ELAVL3: variants seen among roughly 807,000 people sequenced by gnomAD.
ELAVL3 encodes ELAV-like protein 3.
Under a neutral mutation model 34.2 loss-of-function variants are expected in ELAVL3, and 8 were observed. The observed-to-expected ratio is 0.23, with a 90% CI of 0.14 to 0.42. The LOEUF is 0.42. ELAVL3 is among the 10% of genes least tolerant of loss of function. ELAVL3 has a pLI of 1.00. For synonymous variants in ELAVL3, 209 were observed against 222.1 expected, an observed-to-expected ratio of 0.94 and a Z score of 0.53; for missense variants, 273 against 518.8, an observed-to-expected ratio of 0.53 and a Z score of 4.60.
intron 1 of ELAVL3, among the ~76,000 whole-genome samples, chr19:11,468,480 T>A (rs1253871446): frequency 6.6e-6 from 1 of 151,564 alleles, no homozygotes; most frequent in African/African-American, 2.4e-5. Flanking sequence ...AATGGCACGA[T>A]CTTGGCTCAC....
In ELAVL3 at chr19:11,454,956, A is replaced by G; in HGVS notation, c.753-79T>C. 4 of 1,439,522 alleles carry G rather than the reference A, an allele frequency of 2.8e-6. No homozygotes were observed. Among genetic ancestry groups the G allele is most frequent in the Non-Finnish European group, 3.7e-6 (4 of 1,073,366 alleles). 89.2% of individuals were successfully genotyped at this position (1,439,522 alleles called of 1,614,324 possible). Reference sequence around the variant, plus strand: ...CGTTGTGACCCTTCACACCTTTATGACCCCTGACTGTGCCATGACCTTGGA... The same window carrying G: ...CGTTGTGACCCTTCACACCTTTATGGCCCCTGACTGTGCCATGACCTTGGA... On this transcript the variant is annotated intron_variant, in intron 6 of 6. Coordinates refer to ENST00000359227, the MANE Select transcript of ELAVL3 (RefSeq NM_001420.4). This position sits in a 1 kb window ranked among gnomAD's most constrained non-coding sequence, Gnocchi z 9.2.
rs1970649228 is a variant in ELAVL3 at position 11,451,849 on chromosome 19, C to G, written c.*2677G>C. ...TGCCCCCTCTCTGGAGCCTGGCCCCCCCCAGGGTGGGGGACAAACCCAGCC... is the reference window on the plus strand; with the variant it reads ...TGCCCCCTCTCTGGAGCCTGGCCCCGCCCAGGGTGGGGGACAAACCCAGCC... On this transcript the variant is annotated 3_prime_UTR_variant, in exon 7 of 7. Coordinates refer to ENST00000359227, the MANE Select transcript of ELAVL3 (RefSeq NM_001420.4). 1 of 152,234 alleles carries G rather than the reference C, an allele frequency of 6.6e-6. No individual in the cohort carries two copies. Among genetic ancestry groups the G allele is most frequent in the South Asian group, 2.1e-4 (1 of 4,822 alleles). 9.4% of individuals were successfully genotyped at this position (152,234 alleles called of 1,614,324 possible).
intron 1 of ELAVL3, among the ~76,000 whole-genome samples, chr19:11,477,360 T>C (rs1971281034): frequency 6.6e-6 from 1 of 152,170 alleles, no homozygotes; most frequent in Non-Finnish European, 1.5e-5. Flanking sequence ...GGTACGATCA[T>C]GGCTCACTGA....
chr19:11,460,454 C>T (rs1390351598), intron 3 of ELAVL3, among the ~76,000 whole-genome samples: 1 of 151,956 alleles, frequency 6.6e-6, no homozygotes, highest in Non-Finnish European at 1.5e-5. Context: ...CCACCTTCCT[C>T]AGCAGAAAAG....
intron 3 of ELAVL3, among the ~76,000 whole-genome samples, chr19:11,465,688 T>C (rs1163261992): frequency 1.3e-5 from 2 of 151,980 alleles, no homozygotes; most frequent in Admixed American, 6.5e-5. Flanking sequence ...TCCATGACGA[T>C]TCCCCCCCAG....
rs772882298 is a variant in ELAVL3 at position 11,466,164 on chromosome 19, G to A, written c.333+8C>T. On this transcript the variant is annotated splice_region_variant and intron_variant, in intron 3 of 6. Transcript: ENST00000359227. The surrounding 1 kb of genome is among the most constrained non-coding windows in gnomAD (Gnocchi z 5.0). ...CGGTCATGGGGGATTGGAGAAGGAG[G>A]CACCAACCTTGATGGTCTTCGTCTG... is the stretch of plus-strand genomic sequence containing the variant. The A allele has an allele frequency of 1.2e-6, 2 of 1,612,986 alleles. No homozygotes were observed. The highest frequency in any genetic ancestry group is 1.7e-6 in the Non-Finnish European group (2 of 1,179,342).
rs1252033590 is a variant in ELAVL3 at position 11,480,778 on chromosome 19, C to G, written c.-170G>C. The G allele has an allele frequency of 1.8e-6, 1 of 545,586 alleles. No individual in the cohort carries two copies. The highest frequency in any genetic ancestry group is 2.8e-6 in the Non-Finnish European group (1 of 357,062). 33.8% of individuals were successfully genotyped at this position (545,586 alleles called of 1,614,324 possible). The stretch of plus-strand genomic sequence containing the variant: ...CTCCCTCGAGGGCCAGGGACGGGCC[C>G]GAACCCGGGGATGCGCGCGCGGATG... On this transcript the variant is annotated 5_prime_UTR_variant, in exon 1 of 7. Coordinates refer to ENST00000359227, the MANE Select transcript of ELAVL3 (RefSeq NM_001420.4). This position sits in a 1 kb window ranked among gnomAD's most constrained non-coding sequence, Gnocchi z 6.8.
chr19:11,463,978 C>T (rs189677258), intron 3 of ELAVL3, among the ~76,000 whole-genome samples: 1 of 150,342 alleles, frequency 6.7e-6, no homozygotes, highest in Non-Finnish European at 1.5e-5. Flanking sequence ...CAAAAAAAAC[C>T]CCAAAAAATC....
intron 1 of ELAVL3, among the ~76,000 whole-genome samples, chr19:11,476,357 A>T (rs1971262883): frequency 1.3e-5 from 2 of 152,118 alleles, no homozygotes. Context: ...TGGGCAACAC[A>T]GTGAGATCTT....
intron 3 of ELAVL3, among the ~76,000 whole-genome samples, chr19:11,461,882 A>G (rs1387393388): frequency 2.0e-5 from 3 of 152,240 alleles, no homozygotes; most frequent in Non-Finnish European, 4.4e-5. Context: ...TCCATTAGAA[A>G]TAACTAATTA....
At chr19:11,457,905 A>G (rs1466866450) in intron 5 of ELAVL3, among the ~76,000 whole-genome samples, 156 bp downstream of exon 5, 1 of 152,190 alleles carries the variant, frequency 6.6e-6, no homozygotes, top group Non-Finnish European at 1.5e-5. Flanking sequence ...CCTGCTGTAT[A>G]TGAGTGGCTG....
rs1971048400 is a variant in ELAVL3, at chr19:11,466,151, AT to A, written c.333+20del. The A allele has an allele frequency of 6.2e-7, 1 of 1,610,114 alleles. No homozygotes were observed. The highest frequency in any genetic ancestry group is 8.5e-7 in the Non-Finnish European group (1 of 1,176,946). On this transcript the variant is annotated intron_variant, in intron 3 of 6. Coordinates refer to ENST00000359227, the MANE Select transcript of ELAVL3 (RefSeq NM_001420.4). The surrounding 1 kb of genome is among the most constrained non-coding windows in gnomAD (Gnocchi z 5.0). Reference sequence around the variant, plus strand: ...CAGTTGGGGTGGGCGGTCATGGGGGATTGGAGAAGGAGGCACCAACCTTGAT... The same window carrying A: ...CAGTTGGGGTGGGCGGTCATGGGGGATGGAGAAGGAGGCACCAACCTTGAT...
intron 3 of ELAVL3, among the ~76,000 whole-genome samples, chr19:11,464,890 C>T (rs760616104): frequency 1.3e-4 from 7 of 55,618 alleles, no homozygotes; most frequent in Non-Finnish European, 4.0e-4. Flanking sequence ...CACATACACA[C>T]ACCACACACA....
chr19:11,471,309 CA>C (rs200546282), intron 1 of ELAVL3, among the ~76,000 whole-genome samples: 6,948 of 133,018 alleles, frequency 0.052, 207 homozygotes, highest in East Asian at 0.13. Flanking sequence ...GACTCCATCT[CA>C]AAAAAAAAAA....
chr19:11,469,280 T>G (rs904500459), intron 1 of ELAVL3, among the ~76,000 whole-genome samples: 1 of 152,044 alleles, frequency 6.6e-6, no homozygotes, highest in Non-Finnish European at 1.5e-5. Context: ...TTGATTTTCT[T>G]TTTTTTGCGC....
At chr19:11,459,288 A>C (rs1970835627) in intron 3 of ELAVL3, among the ~76,000 whole-genome samples, 1 of 151,292 alleles carries the variant, frequency 6.6e-6, no homozygotes, top group African/African-American at 2.4e-5. Flanking sequence ...ACGCCTAGCT[A>C]ATTTTTTTTT....
chr19:11,473,082 G>GAAAAT (rs1490940785), intron 1 of ELAVL3, among the ~76,000 whole-genome samples: 51 of 148,402 alleles, frequency 3.4e-4, no homozygotes, highest in Non-Finnish European at 6.6e-4. Context: ...GAAAAGAAAA[G>GAAAAT]AGGCAGGGCG....
At position 11,452,998 on chromosome 19, in the gene ELAVL3, T is replaced by C. The variant is rs537130912; in HGVS notation, c.*1528A>G. The C allele has an allele frequency of 1.3e-5, 2 of 152,250 alleles. No homozygotes were observed. The highest frequency in any genetic ancestry group is 3.9e-4 in the East Asian group (2 of 5,160). 9.4% of individuals were successfully genotyped at this position (152,250 alleles called of 1,614,324 possible). The stretch of plus-strand genomic sequence containing the variant: ...GTGACAAGTGGACGGGAAAGGAGTG[T>C]GGGGCTGGGCCTTTGGGCCCATCCA... On this transcript the variant is annotated 3_prime_UTR_variant, in exon 7 of 7. Transcript: ENST00000359227.
chr19:11,478,487 G>A (rs1035190356), intron 1 of ELAVL3, among the ~76,000 whole-genome samples: 1 of 152,162 alleles, frequency 6.6e-6, no homozygotes, highest in Non-Finnish European at 1.5e-5. Context: ...GGACTTCGGC[G>A]ACTGGCCCCA....
Sources: gnomAD v4.1 joint callset for allele counts (sites outside exome capture counted in the v4.1 genomes callset) on GRCh38, gnomAD v4.1.1 for gene constraint, Gnocchi (gnomAD v3.1) non-coding constraint, MANE v1.5 for transcripts, NCBI Gene and HGNC (gene_info 2026-07-23, HGNC 2026-07-21) for gene names.